BBS7: variants seen among roughly 807,000 people sequenced by gnomAD.
BBS7 encodes the protein BBSome complex member BBS7.
A neutral mutation model predicts 90.3 loss-of-function variants in BBS7; 50 were observed. That is an observed-to-expected ratio of 0.55 (90% CI 0.44 to 0.70). The LOEUF (loss-of-function observed/expected upper bound fraction) is 0.70, where lower values mean the gene tolerates loss of function less well. Among genes scored for constraint, BBS7 ranks in the 30% least tolerant of loss-of-function variants. BBS7 has a pLI of 0.00. For missense variants in BBS7, 729 were observed against 838.9 expected, an observed-to-expected ratio of 0.87 and a Z score of 1.62; for synonymous variants, 235 against 287.4, an observed-to-expected ratio of 0.82 and a Z score of 1.85.
chr4:121,833,427 G>T, intron 14 of BBS7, 32 bp from the exon 15 acceptor site: 1 of 1,597,778 alleles, frequency 6.3e-7, no homozygotes, highest in East Asian at 2.2e-5. Context: ...GCACATTTAT[G>T]TGTGGGAATA....
chr4:121,842,761 T>G (rs1462852492), intron 12 of BBS7, among the ~76,000 whole-genome samples: 2 of 152,224 alleles, frequency 1.3e-5, no homozygotes, highest in Admixed American at 1.3e-4. Context: ...CATCTCCTCC[T>G]GCTCTGGCTT....
chr4:121,826,970 G>T (rs116167097), intron 18 of BBS7, among the ~76,000 whole-genome samples: 1 of 152,136 alleles, frequency 6.6e-6, no homozygotes, highest in Non-Finnish European at 1.5e-5. Context: ...GAGACCAAGC[G>T]AGACTCTGTC....
chr4:121,861,758 T>C (rs777574390), intron 3 of BBS7, 79 bp from the exon 4 acceptor site: 16 of 1,499,418 alleles, frequency 1.1e-5, no homozygotes, highest in Non-Finnish European at 1.3e-5. Flanking sequence ...GAAAATGTTA[T>C]GATGTTAAAT....
At chr4:121,861,917 G>T (rs1727004914) in intron 3 of BBS7, among the ~76,000 whole-genome samples, 1 of 152,008 alleles carries the variant, frequency 6.6e-6, no homozygotes, top group Non-Finnish European at 1.5e-5. Flanking sequence ...CTAAATCCTT[G>T]TAATTCAAAG....
chr4:121,858,192 G>A (rs1726785426), intron 5 of BBS7, among the ~76,000 whole-genome samples: 1 of 152,132 alleles, frequency 6.6e-6, no homozygotes, highest in Non-Finnish European at 1.5e-5. Context: ...AAGGGCTGAT[G>A]CCAAGAAATG....
intron 2 of BBS7, among the ~76,000 whole-genome samples, chr4:121,863,640 A>AGGC (rs925704917): frequency 5.3e-5 from 8 of 152,200 alleles, no homozygotes; most frequent in African/African-American, 1.9e-4. Context: ...CCTACAAAGT[A>AGGC]ATTTTTTTTT....
chr4:121,854,183 A>G (rs1249420673), intron 7 of BBS7, among the ~76,000 whole-genome samples: 1 of 152,108 alleles, frequency 6.6e-6, no homozygotes, highest in Non-Finnish European at 1.5e-5. Flanking sequence ...TGTCTTATGT[A>G]TTTATTTGTT....
chr4:121,828,290 A>G, intron 17 of BBS7, 21 bp from the exon 18 acceptor site: 1 of 1,606,686 alleles, frequency 6.2e-7, no homozygotes, highest in Non-Finnish European at 8.5e-7. Flanking sequence ...TGAAAAACAG[A>G]AGCACCTTAA....
intron 13 of BBS7, among the ~76,000 whole-genome samples, chr4:121,838,853 C>T (rs1266738189): frequency 2.0e-5 from 3 of 150,920 alleles, no homozygotes; most frequent in African/African-American, 7.3e-5. Flanking sequence ...CCAGATCATG[C>T]CACTGCACTC....
chr4:121,836,962 T>C (rs1384268300), intron 13 of BBS7, among the ~76,000 whole-genome samples: 1 of 136,408 alleles, frequency 7.3e-6, no homozygotes, highest in Non-Finnish European at 1.7e-5. Context: ...GTTTTGGGTT[T>C]TTTTTGTTTT....
intron 10 of BBS7, 144 bp from the exon 11 acceptor site, chr4:121,845,840 A>T: frequency 1.4e-6 from 1 of 711,544 alleles, no homozygotes; most frequent in Non-Finnish European, 2.3e-6. Context: ...AGGGAGCAAA[A>T]TTTTTGCTTC....
Position 121,831,355 on chromosome 4 carries a change from A to C in BBS7, c.1676+1876T>G, listed in dbSNP as rs1367568101. ...GCTTCAAAAATGTAGCTACTGCAGGATGCAGTAGCTTGCACCTATAATCCC... is the reference window on the plus strand; with the variant it reads ...GCTTCAAAAATGTAGCTACTGCAGGCTGCAGTAGCTTGCACCTATAATCCC... On this transcript the variant is annotated intron_variant, in intron 15 of 18. Transcript: ENST00000264499. 4.6e-5 allele frequency among the ~76,000 whole-genome samples: 7 copies of C among 151,986 alleles called. No individual in the cohort carries two copies. In the East Asian group the frequency reaches 1.4e-3, roughly 30 times the overall value.
Position 121,833,370 on chromosome 4 carries a change from C to T in BBS7, c.1537G>A (p.Gly513Ser), listed in dbSNP as rs1465262524. Reference protein sequence around the residue: ...DRPMNTLTLTGQFSFAEVHSW... With the variant: ...DRPMNTLTLTSQFSFAEVHSW... ...TGAACTTCAGCAAAACTGAACTGGC[C>T]TGTTAGGGTCAGTGTATTCATGGGT... Residue 513 changes from glycine to serine, a missense_variant, in exon 15 of 19, where the codon GGC (glycine) becomes AGC (serine). Transcript: ENST00000264499. 3.1e-6 allele frequency: 5 copies of T among 1,613,806 alleles called. No homozygotes were observed. The East Asian group carries it at 6.7e-5, about 22-fold the overall frequency.
chr4:121,870,436 C>T lies in BBS7; in HGVS notation c.-123G>A. 8.8e-7 allele frequency: 1 copy of T among 1,140,304 alleles called. No individual in the cohort carries two copies. Among genetic ancestry groups the T allele is most frequent in the Non-Finnish European group, 1.3e-6 (1 of 766,214 alleles). 70.6% of individuals were successfully genotyped at this position (1,140,304 alleles called of 1,614,324 possible). A position where few individuals can be genotyped will look rare whatever the true frequency, so the allele number is the denominator to read the frequency against. ...GCCCCTCAAAAGCCAGCCCCAGCTA[C>T]CGCGCCTAGGTCCTGGGCTGCACAG... On this transcript the variant is annotated 5_prime_UTR_variant, in exon 1 of 19. Transcript: ENST00000264499.
intron 15 of BBS7, among the ~76,000 whole-genome samples, chr4:121,831,214 T>TAAAATAA (rs1315385707): frequency 9.2e-5 from 14 of 151,564 alleles, no homozygotes; most frequent in Admixed American, 3.9e-4. Context: ...AAAAAAAGAA[T>TAAAATAA]AAAATAAAAA....
Position 121,825,064 on chromosome 4 carries a change from T to C in BBS7, c.*796A>G, listed in dbSNP as rs1378022619. On this transcript the variant is annotated 3_prime_UTR_variant, in exon 19 of 19. Coordinates refer to ENST00000264499, the MANE Select transcript of BBS7 (RefSeq NM_176824.3). ...GTAGGAAAATCTAAGATGGCATCACTATTTCTGCACTCTTCACTTGAAGCA... is the reference window on the plus strand; with the variant it reads ...GTAGGAAAATCTAAGATGGCATCACCATTTCTGCACTCTTCACTTGAAGCA... 6.6e-6 allele frequency: 1 copy of C among 152,208 alleles called. No homozygotes were observed. The highest frequency in any genetic ancestry group is 2.4e-5 in the African/African-American group (1 of 41,464). 9.4% of individuals were successfully genotyped at this position (152,208 alleles called of 1,614,324 possible).
At position 121,861,492 on chromosome 4, in the gene BBS7, C is replaced by A. The variant is rs950876480; in HGVS notation, c.341+12G>T. 6.2e-7 allele frequency: 1 copy of A among 1,606,936 alleles called. No individual in the cohort carries two copies. Among genetic ancestry groups the A allele is most frequent in the Admixed American group, 1.7e-5 (1 of 58,958 alleles). ...AAGTATGTAAAAATACAAAAGAGAA[C>A]AAAAGACATACATAGCTTTAATGCT... On this transcript the variant is annotated intron_variant, in intron 4 of 18. Coordinates refer to ENST00000264499, the MANE Select transcript of BBS7 (RefSeq NM_176824.3).
In BBS7 at chr4:121,837,822, C is replaced by T. The variant is rs555985841; in HGVS notation, c.1371+1809G>A. On this transcript the variant is annotated intron_variant, in intron 13 of 18. Transcript: ENST00000264499. The stretch of plus-strand genomic sequence containing the variant: ...ATATCCAATTAAAAAAAGAGGAAGA[C>T]GGTTGGGCGTGGTGGCTCACACCTA... Among the ~76,000 whole-genome samples, 8 of 151,986 alleles carry T rather than the reference C, an allele frequency of 5.3e-5. No homozygotes were observed. The South Asian group carries it at 6.2e-4, about 12-fold the overall frequency.
intron 2 of BBS7, among the ~76,000 whole-genome samples, chr4:121,865,756 G>A (rs969217139): frequency 8.5e-5 from 13 of 152,222 alleles, no homozygotes; most frequent in Middle Eastern, 3.4e-3. Flanking sequence ...AAATCATATG[G>A]TCGCCCTATT....
Sources: gnomAD v4.1 joint callset for allele counts (sites outside exome capture counted in the v4.1 genomes callset) on GRCh38, gnomAD v4.1.1 for gene constraint, MANE v1.5 for transcripts, NCBI Gene and HGNC (gene_info 2026-07-23, HGNC 2026-07-21) for gene names.